Variants in RBFOX1 observed in about 807,000 individuals in gnomAD.
RBFOX1 encodes the protein RNA binding protein fox-1 homolog 1.
RBFOX1 carries 8 observed loss-of-function variants against 57.7 expected under a neutral mutation model. The observed-to-expected ratio is 0.14, with a 90% CI of 0.08 to 0.25. The LOEUF is 0.25. Ranked by LOEUF, RBFOX1 falls within the 10% of genes least tolerant of loss-of-function variation. RBFOX1 has a pLI of 1.00. For synonymous variants in RBFOX1, 326 were observed against 222.4 expected (o/e 1.47, Z -4.15); for missense variants, 611 against 548.5 (o/e 1.11, Z -1.14).
At chr16:7,161,628 G>A (rs185280340) in intron 4 of RBFOX1, among the ~76,000 whole-genome samples, 24 of 152,236 alleles carry the variant, frequency 1.6e-4, no homozygotes, top group Non-Finnish European at 2.6e-4. Flanking sequence ...GTAATCCCAG[G>A]GAGCTTTCTA....
intron 4 of RBFOX1, among the ~76,000 whole-genome samples, chr16:7,372,694 T>G (rs569850151): frequency 6.6e-6 from 1 of 152,136 alleles, no homozygotes; most frequent in Non-Finnish European, 1.5e-5. Flanking sequence ...AAATTAGGAT[T>G]ATTATTATGG....
intron 2 of RBFOX1, among the ~76,000 whole-genome samples, chr16:6,351,737 C>T (rs1270047038): frequency 1.3e-5 from 2 of 152,058 alleles, no homozygotes; most frequent in Non-Finnish European, 2.9e-5. Flanking sequence ...TGTATGCATA[C>T]ATATATGTTT....
intron 5 of RBFOX1, among the ~76,000 whole-genome samples, chr16:7,573,057 C>T (rs977103737): frequency 6.6e-6 from 1 of 152,004 alleles, no homozygotes; most frequent in African/African-American, 2.4e-5. Context: ...GTGAAGAAAT[C>T]AGTGGTCAAG....
At chr16:6,177,668 A>T (rs192232630) in intron 1 of RBFOX1, among the ~76,000 whole-genome samples, 5 of 152,274 alleles carry the variant, frequency 3.3e-5, no homozygotes, top group Admixed American at 3.3e-4. Flanking sequence ...TTGTGGAAGG[A>T]CTTGACAGGT....
chr16:5,901,403 G>A (rs2058302290), intron 4 of RBFOX1, among the ~76,000 whole-genome samples: 2 of 152,174 alleles, frequency 1.3e-5, no homozygotes, highest in Admixed American at 6.5e-5. Flanking sequence ...GTCTTATGAT[G>A]TAAGGATGAA....
chr16:5,551,270 T>C (rs1302337751), intron 2 of RBFOX1, among the ~76,000 whole-genome samples: 1 of 152,190 alleles, frequency 6.6e-6, no homozygotes, highest in East Asian at 1.9e-4. Flanking sequence ...CTATTTGTAC[T>C]ATAGTTACTT....
intron 3 of RBFOX1, among the ~76,000 whole-genome samples, chr16:5,652,774 G>A (rs2151368708): frequency 6.6e-6 from 1 of 152,350 alleles, no homozygotes; most frequent in South Asian, 2.1e-4. Context: ...ATTCTGGTTA[G>A]TGACCCTGGG....
In RBFOX1 at chr16:5,536,860, T is replaced by C. The variant is rs571458916; in HGVS notation, c.259-62042T>C. Among the ~76,000 whole-genome samples, 8 of 152,296 alleles carry C rather than the reference T, an allele frequency of 5.3e-5. No homozygotes were observed. In the East Asian group the frequency reaches 1.5e-3, roughly 29 times the overall value. ...AGCAGGTGCATCTGTACCTGTACCA[T>C]ACAAATGAAGGTTTATTCTAGCTTC... On this transcript the variant is annotated intron_variant, in intron 2 of 2. Transcript: ENST00000585867.
chr16:6,691,205 A>C (rs1224495508), intron 3 of RBFOX1, among the ~76,000 whole-genome samples: 1 of 152,148 alleles, frequency 6.6e-6, no homozygotes, highest in East Asian at 1.9e-4. Flanking sequence ...GCTAGATGTC[A>C]CTCCCATCAG....
intron 1 of RBFOX1, among the ~76,000 whole-genome samples, chr16:5,445,051 A>T (rs2068200523): frequency 6.6e-6 from 1 of 152,072 alleles, no homozygotes; most frequent in South Asian, 2.1e-4. Flanking sequence ...GGGTGACATG[A>T]TCAGATGTGC....
chr16:5,512,319 A>G (rs952583710), intron 2 of RBFOX1, among the ~76,000 whole-genome samples: 16 of 152,192 alleles, frequency 1.1e-4, no homozygotes, highest in Non-Finnish European at 2.1e-4. Context: ...AGCCTTCTCC[A>G]TAGATTTACT....
chr16:6,054,881 C>G (rs991860231), intron 1 of RBFOX1, among the ~76,000 whole-genome samples: 3 of 152,082 alleles, frequency 2.0e-5, no homozygotes, highest in African/African-American at 7.2e-5. Context: ...CTCTTGGGTT[C>G]AAGTGATTCT....
At chr16:6,623,147 C>T (rs17720989) in intron 2 of RBFOX1, among the ~76,000 whole-genome samples, 5,232 of 152,242 alleles carry the variant, frequency 0.034, 129 homozygotes, top group Non-Finnish European at 0.056. Flanking sequence ...GCTCTGCATA[C>T]CCCATTCCAG....
intron 3 of RBFOX1, among the ~76,000 whole-genome samples, chr16:6,761,120 A>T (rs904153973): frequency 6.6e-6 from 1 of 152,182 alleles, no homozygotes; most frequent in Non-Finnish European, 1.5e-5. Context: ...ACGACTGACA[A>T]TGCCTTAGAA....
chr16:6,693,172 C>A (rs1035355128), intron 3 of RBFOX1, among the ~76,000 whole-genome samples: 1 of 151,504 alleles, frequency 6.6e-6, no homozygotes, highest in Non-Finnish European at 1.5e-5. Context: ...CCACCATCAT[C>A]ATCACCATCA....
chr16:7,665,803 C>T (rs1420751163), intron 13 of RBFOX1, among the ~76,000 whole-genome samples: 1 of 152,104 alleles, frequency 6.6e-6, no homozygotes, highest in East Asian at 1.9e-4. Flanking sequence ...ATTTGTTTTA[C>T]AGACTAGATA....
intron 10 of RBFOX1, among the ~76,000 whole-genome samples, chr16:7,629,725 T>G (rs569506450): frequency 5.0e-4 from 76 of 152,328 alleles, no homozygotes; most frequent in Middle Eastern, 3.4e-3. Context: ...ATCTCAGGAT[T>G]CCACCATTAT....
intron 3 of RBFOX1, among the ~76,000 whole-genome samples, chr16:6,780,505 TATTTATATATAC>T (rs1182625675): frequency 5.7e-5 from 7 of 122,206 alleles, no homozygotes; most frequent in Non-Finnish European, 9.9e-5. Context: ...CATTTTTATA[TATTTATATATAC>T]ATTTATATAT....
At chr16:7,389,168 C>T (rs188451058) in intron 4 of RBFOX1, among the ~76,000 whole-genome samples, 42 of 152,234 alleles carry the variant, frequency 2.8e-4, no homozygotes, top group African/African-American at 9.9e-4. Context: ...CTGTGTCACC[C>T]AGGCTGGAAT....
Sources: gnomAD v4.1 joint callset for allele counts (sites outside exome capture counted in the v4.1 genomes callset) on GRCh38, gnomAD v4.1.1 for gene constraint, MANE v1.5 for transcripts, NCBI Gene and HGNC (gene_info 2026-07-23, HGNC 2026-07-21) for gene names.